WWC2: variants seen among roughly 807,000 people sequenced by gnomAD.
The protein encoded by WWC2 is WW and C2 domain containing 2, also known as protein WWC2.
WWC2 carries 101 observed loss-of-function variants against 138.5 expected under a neutral mutation model. The observed-to-expected ratio is 0.73, with a 90% confidence interval of 0.62 to 0.86. The LOEUF (loss-of-function observed/expected upper bound fraction) is 0.86, where lower values mean the gene tolerates loss of function less well. Ranked by LOEUF, WWC2 falls within the 40% of genes least tolerant of loss-of-function variation. WWC2 has a pLI of 0.00. For synonymous variants in WWC2, 558 were observed against 538.4 expected (o/e 1.04, Z -0.50); for missense variants, 1,420 against 1,419.4 (o/e 1.00, Z -0.01).
chr4:183,210,880 C>G lies in WWC2; in HGVS notation c.522+1855C>G, dbSNP rs116741472. ...GGTAGAAAAGGCAGTGCGAGACATA[C>G]CGTCTTATATGCAGGGAAATGTGGA... On this transcript the variant is annotated intron_variant, in intron 4 of 22. Transcript: ENST00000403733. Among the ~76,000 whole-genome samples the G allele has an allele frequency of 1.0e-2, 1,519 of 152,262 alleles. 30 individuals are homozygous for G. Among genetic ancestry groups the G allele is most frequent in the African/African-American group, 0.035 (1,461 of 41,546 alleles).
intron 2 of WWC2, among the ~76,000 whole-genome samples, chr4:183,200,652 G>A (rs555861413): frequency 2.6e-5 from 4 of 152,218 alleles, no homozygotes; most frequent in African/African-American, 4.8e-5. Context: ...CCACTCGTAC[G>A]GTTGTTGGCA....
chr4:183,282,554 A>C, intron 17 of WWC2, 154 bp from the exon 18 acceptor site: 1 of 725,924 alleles, frequency 1.4e-6, no homozygotes, highest in South Asian at 1.9e-5. Flanking sequence ...GATTTTTTTA[A>C]ATGAGACATT....
intron 1 of WWC2, among the ~76,000 whole-genome samples, chr4:183,124,524 T>C (rs1483161309): frequency 1.3e-5 from 2 of 151,396 alleles, no homozygotes; most frequent in Non-Finnish European, 2.9e-5. Context: ...TTTTTCTTTT[T>C]TTCCTTTTTC....
intron 6 of WWC2, among the ~76,000 whole-genome samples, chr4:183,247,138 A>G (rs1192601696): frequency 6.6e-6 from 1 of 152,202 alleles, no homozygotes; most frequent in African/African-American, 2.4e-5. Flanking sequence ...ATCAAAACCC[A>G]GTAACACACA....
At chr4:183,269,973 C>A (rs150753805) in intron 15 of WWC2, 2 of 152,824 alleles carry the variant, frequency 1.3e-5, no homozygotes, top group East Asian at 3.8e-4. Context: ...ATGTGAGTCT[C>A]CAATTGAGCT....
intron 4 of WWC2, among the ~76,000 whole-genome samples, chr4:183,216,476 C>G (rs1311439297): frequency 2.6e-5 from 4 of 152,154 alleles, no homozygotes; most frequent in African/African-American, 2.4e-5. Flanking sequence ...TTTAAAAGAT[C>G]CAGCTTACTT....
intron 21 of WWC2, among the ~76,000 whole-genome samples, chr4:183,293,668 A>G (rs1738536034): frequency 6.6e-6 from 1 of 152,234 alleles, no homozygotes; most frequent in Non-Finnish European, 1.5e-5. Flanking sequence ...AGCTGCCATT[A>G]TCTACAGGTG....
intron 1 of WWC2, among the ~76,000 whole-genome samples, chr4:183,117,700 G>A (rs926628698): frequency 1.4e-5 from 2 of 145,162 alleles, no homozygotes; most frequent in Non-Finnish European, 3.0e-5. Context: ...GAACTCTTGC[G>A]CTTAAGGGAT....
At chr4:183,118,699 A>AGGG (rs1203044010) in intron 1 of WWC2, among the ~76,000 whole-genome samples, 1 of 152,214 alleles carries the variant, frequency 6.6e-6, no homozygotes, top group African/African-American at 2.4e-5. Flanking sequence ...ATCGTGGTGA[A>AGGG]GGGAGGAATG....
intron 21 of WWC2, among the ~76,000 whole-genome samples, chr4:183,300,341 C>CT (rs763942652): frequency 0.023 from 3,125 of 136,126 alleles, 48 homozygotes; most frequent in Middle Eastern, 0.035. Context: ...GCAGGAATTT[C>CT]TTTTTTTTTT....
intron 1 of WWC2, among the ~76,000 whole-genome samples, chr4:183,182,445 C>A (rs1560829874): frequency 6.6e-6 from 1 of 152,228 alleles, no homozygotes. Flanking sequence ...CTACCTCTCT[C>A]AAACACTCAT....
chr4:183,303,465 T>C (rs1271605562), intron 21 of WWC2, among the ~76,000 whole-genome samples: 2 of 152,190 alleles, frequency 1.3e-5, no homozygotes, highest in Non-Finnish European at 2.9e-5. Context: ...AGGGAGTCAG[T>C]GCCTTGGGTG....
intron 22 of WWC2, among the ~76,000 whole-genome samples, chr4:183,313,049 A>T (rs1159851147): frequency 6.6e-6 from 1 of 152,180 alleles, no homozygotes; most frequent in Non-Finnish European, 1.5e-5. Flanking sequence ...AGAGGAGATT[A>T]TAAGAGAACC....
At chr4:183,303,244 A>C (rs1029782593) in intron 21 of WWC2, among the ~76,000 whole-genome samples, 1 of 152,184 alleles carries the variant, frequency 6.6e-6, no homozygotes, top group Non-Finnish European at 1.5e-5. Context: ...CAGCGTTGCA[A>C]GTAACTTCTG....
At position 183,319,244 on chromosome 4, in the gene WWC2, A is replaced by G; in HGVS notation, c.*3515A>G. On this transcript the variant is annotated 3_prime_UTR_variant, in exon 23 of 23. Coordinates refer to ENST00000403733, the MANE Select transcript of WWC2 (RefSeq NM_024949.6). ...GATTTGCCAAATGATTCCGCTCCATATGAATAATACCTTCAAAGATACATA... is the reference window on the plus strand; with the variant it reads ...GATTTGCCAAATGATTCCGCTCCATGTGAATAATACCTTCAAAGATACATA... 2 of 231,312 alleles carry G rather than the reference A, an allele frequency of 8.6e-6. No homozygotes were observed. Among genetic ancestry groups the G allele is most frequent in the Admixed American group, 5.0e-5 (1 of 20,116 alleles). 14.3% of individuals were successfully genotyped at this position (231,312 alleles called of 1,614,324 possible). A position where few individuals can be genotyped will look rare whatever the true frequency, so the allele number is the denominator to read the frequency against.
chr4:183,223,813 G>C (rs1165558609), intron 4 of WWC2, among the ~76,000 whole-genome samples: 1 of 152,018 alleles, frequency 6.6e-6, no homozygotes, highest in Non-Finnish European at 1.5e-5. Flanking sequence ...TCACTGCAAC[G>C]TCTGCCTCCT....
chr4:183,240,779 G>A (rs1045066763), intron 5 of WWC2: 9 of 152,454 alleles, frequency 5.9e-5, no homozygotes, highest in African/African-American at 2.2e-4. Flanking sequence ...TAGCAAAGGA[G>A]CGGGAGTGCG....
chr4:183,209,455 T>G (rs967264997), intron 4 of WWC2, among the ~76,000 whole-genome samples: 1 of 152,196 alleles, frequency 6.6e-6, no homozygotes, highest in African/African-American at 2.4e-5. Context: ...CACATTGGTC[T>G]TGAACTCCTG....
At chr4:183,208,415 G>A (rs1224310690) in intron 3 of WWC2, among the ~76,000 whole-genome samples, 3 of 152,092 alleles carry the variant, frequency 2.0e-5, no homozygotes, top group Non-Finnish European at 4.4e-5. Context: ...ATGCATTTAC[G>A]AGTTAATTTT....
Sources: gnomAD v4.1 joint callset for allele counts (sites outside exome capture counted in the v4.1 genomes callset) on GRCh38, gnomAD v4.1.1 for gene constraint, MANE v1.5 for transcripts, NCBI Gene and HGNC (gene_info 2026-07-23, HGNC 2026-07-21) for gene names.